Variants in ZHX3 observed in about 807,000 individuals in gnomAD.
ZHX3 encodes zinc fingers and homeoboxes 3.
Under a neutral mutation model 64.5 loss-of-function variants are expected in ZHX3, and 20 were observed. That is an observed-to-expected ratio of 0.31 (90% CI 0.22 to 0.45). The LOEUF is 0.45. Ranked by LOEUF, ZHX3 falls within the 20% of genes least tolerant of loss-of-function variation. ZHX3 has a pLI of 1.00. For synonymous variants in ZHX3, 423 were observed against 461.6 expected (o/e 0.92, Z 1.07); for missense variants, 1,041 against 1,195.8 (o/e 0.87, Z 1.91).
chr20:41,313,369 G>A (rs952917028), intron 1 of ZHX3, among the ~76,000 whole-genome samples: 1 of 152,062 alleles, frequency 6.6e-6, no homozygotes, highest in Non-Finnish European at 1.5e-5. Flanking sequence ...GCATCCAGGG[G>A]GTTCTAGGGT....
chr20:41,232,001 A>G lies in ZHX3; in HGVS notation c.-150-26935T>C, dbSNP rs1462798409. Among the ~76,000 whole-genome samples the G allele has an allele frequency of 6.6e-6, 1 of 152,220 alleles. No individual in the cohort carries two copies. Among genetic ancestry groups the G allele is most frequent in the African/African-American group, 2.4e-5 (1 of 41,452 alleles). Reference sequence around the variant, plus strand: ...TGGAAACTAGATGGTTAAAACAACCACATTCCGTACCATTAGACGCTGACA... The same window carrying G: ...TGGAAACTAGATGGTTAAAACAACCGCATTCCGTACCATTAGACGCTGACA... On this transcript the variant is annotated intron_variant, in intron 2 of 3. Transcript: ENST00000683867. This position sits in a 1 kb window ranked among gnomAD's most constrained non-coding sequence, Gnocchi z 5.0.
chr20:41,248,077 C>T (rs2041801784), intron 2 of ZHX3, among the ~76,000 whole-genome samples: 1 of 152,294 alleles, frequency 6.6e-6, no homozygotes, highest in African/African-American at 2.4e-5. Flanking sequence ...TACTTTACAC[C>T]CAAGCGTAAA....
intron 2 of ZHX3, among the ~76,000 whole-genome samples, chr20:41,233,791 G>T (rs540275372): frequency 6.6e-6 from 1 of 152,298 alleles, no homozygotes; most frequent in South Asian, 2.1e-4. Context: ...AAGTCTTAAA[G>T]GATGAAAAGA....
At chr20:41,260,380 G>A (rs1164801001) in intron 2 of ZHX3, among the ~76,000 whole-genome samples, 1 of 152,134 alleles carries the variant, frequency 6.6e-6, no homozygotes, top group Non-Finnish European at 1.5e-5. Context: ...TTGTAAGGTA[G>A]AAATAAAACT....
Position 41,204,651 on chromosome 20 carries a change from A to AT in ZHX3, c.265dup (p.Met89AsnfsTer16). ...GTTCATATGTCCCACAAATTGGGTC[A>AT]TGTCATGGGATCTGAAATCGCAGTA... On this transcript the variant is annotated frameshift_variant, in exon 3 of 4. Transcript: ENST00000683867. LOFTEE classifies it high-confidence loss of function. This position sits in a 1 kb window ranked among gnomAD's most constrained non-coding sequence, Gnocchi z 6.6. 1 of 1,614,264 alleles carries AT rather than the reference A, an allele frequency of 6.2e-7. No homozygotes were observed. The highest frequency in any genetic ancestry group is 2.2e-5 in the East Asian group (1 of 44,888).
chr20:41,212,021 C>T lies in ZHX3; in HGVS notation c.-150-6955G>A, dbSNP rs1052181801. On this transcript the variant is annotated intron_variant, in intron 2 of 3. Transcript: ENST00000683867. The surrounding 1 kb of genome is among the most constrained non-coding windows in gnomAD (Gnocchi z 4.3). ...CAAGTAGAATATCTGAAAGCACAAA[C>T]GACAAAAGAAAAAACAGATAAATTG... Among the ~76,000 whole-genome samples the T allele has an allele frequency of 1.3e-5, 2 of 151,860 alleles. No homozygotes were observed. The highest frequency in any genetic ancestry group is 4.8e-5 in the African/African-American group (2 of 41,336).
chr20:41,316,965 G>A (rs561878862), intron 1 of ZHX3: 3 of 152,522 alleles, frequency 2.0e-5, no homozygotes, highest in African/African-American at 7.2e-5. Context: ...CGAGTGGTTC[G>A]AGTCCTGGCT....
chr20:41,256,023 T>C (rs1166335848), intron 2 of ZHX3, among the ~76,000 whole-genome samples: 6 of 152,214 alleles, frequency 3.9e-5, no homozygotes, highest in Admixed American at 3.9e-4. Flanking sequence ...CAAAATTATG[T>C]AAATTAAATA....
intron 1 of ZHX3, among the ~76,000 whole-genome samples, chr20:41,312,728 AGAG>A (rs755191550): frequency 2.6e-4 from 39 of 152,318 alleles, no homozygotes; most frequent in Non-Finnish European, 4.3e-4. Context: ...CCTGTACAGA[AGAG>A]GAGAATACGG....
chr20:41,222,943 C>A (rs1215107410), intron 2 of ZHX3, among the ~76,000 whole-genome samples: 4 of 150,434 alleles, frequency 2.7e-5, no homozygotes, highest in Admixed American at 1.3e-4. Flanking sequence ...AAGAAAAATT[C>A]TCTCTGGCTG....
chr20:41,246,791 C>G (rs568218678), intron 2 of ZHX3, among the ~76,000 whole-genome samples: 1 of 151,506 alleles, frequency 6.6e-6, no homozygotes, highest in African/African-American at 2.4e-5. Flanking sequence ...GAGAATCACT[C>G]GAACCCAGGA....
intron 2 of ZHX3, among the ~76,000 whole-genome samples, chr20:41,210,224 T>C (rs1402355291): frequency 1.3e-5 from 2 of 152,122 alleles, no homozygotes; most frequent in African/African-American, 2.4e-5. Context: ...TGTGGAGAAA[T>C]AGGAACACTT....
chr20:41,282,702 G>T (rs1356057329), intron 1 of ZHX3, among the ~76,000 whole-genome samples: 2 of 152,086 alleles, frequency 1.3e-5, no homozygotes, highest in Middle Eastern at 3.2e-3. Context: ...ACCTTTAAAT[G>T]GTGGCCAAAT....
rs760447615 is a variant in ZHX3 at position 41,212,043 on chromosome 20, A to G, written c.-150-6977T>C. Among the ~76,000 whole-genome samples, 9 of 152,352 alleles carry G rather than the reference A, an allele frequency of 5.9e-5. No individual in the cohort carries two copies. Among genetic ancestry groups the G allele is most frequent in the Non-Finnish European group, 1.3e-4 (9 of 68,038 alleles). ...AAACGACAAAAGAAAAAACAGATAAATTGGATGTCATCAAAATTAAAAACT... is the reference window on the plus strand; with the variant it reads ...AAACGACAAAAGAAAAAACAGATAAGTTGGATGTCATCAAAATTAAAAACT... On this transcript the variant is annotated intron_variant, in intron 2 of 3. Coordinates refer to ENST00000683867, the MANE Select transcript of ZHX3 (RefSeq NM_001384317.1). The surrounding 1 kb of genome is among the most constrained non-coding windows in gnomAD (Gnocchi z 4.3).
chr20:41,204,749 G>A lies in ZHX3; in HGVS notation c.168C>T (p.Pro56=). Reference sequence around the variant, plus strand: ...CCAGTGTAGAGCCATCAGTACTGCTGGGGTTCTGTGCTGCCTCACTGCTGG... The same window carrying A: ...CCAGTGTAGAGCCATCAGTACTGCTAGGGTTCTGTGCTGCCTCACTGCTGG... ...SAASSEAAQN[P]SSTDGSTLAN... is the part of the protein sequence containing the mutation. Residue 56 remains proline (P), a synonymous_variant, in exon 3 of 4, where the codon CCC becomes CCT. Coordinates refer to ENST00000683867, the MANE Select transcript of ZHX3 (RefSeq NM_001384317.1). The surrounding 1 kb of genome is among the most constrained non-coding windows in gnomAD (Gnocchi z 6.6). 1.9e-6 allele frequency: 3 copies of A among 1,614,168 alleles called. No individual in the cohort carries two copies. Among genetic ancestry groups the A allele is most frequent in the Non-Finnish European group, 1.7e-6 (2 of 1,180,012 alleles).
intron 3 of ZHX3, among the ~76,000 whole-genome samples, chr20:41,193,921 C>G (rs560371530): frequency 6.6e-6 from 1 of 152,006 alleles, no homozygotes; most frequent in African/African-American, 2.4e-5. Context: ...AGGGTGGTCT[C>G]GATCTCTTGA....
At chr20:41,311,471 C>T (rs924150309) in intron 1 of ZHX3, among the ~76,000 whole-genome samples, 1 of 152,200 alleles carries the variant, frequency 6.6e-6, no homozygotes, top group African/African-American at 2.4e-5. Flanking sequence ...TGGTTATTAA[C>T]AGAAGCTTCC....
chr20:41,239,237 C>T (rs565832952), intron 2 of ZHX3, among the ~76,000 whole-genome samples: 176 of 151,772 alleles, frequency 1.2e-3, no homozygotes, highest in Non-Finnish European at 1.8e-3. Flanking sequence ...TCTCGGTCTC[C>T]TGACCTCGTG....
intron 1 of ZHX3, among the ~76,000 whole-genome samples, chr20:41,303,956 G>C (rs2044900189): frequency 6.6e-6 from 1 of 152,142 alleles, no homozygotes; most frequent in African/African-American, 2.4e-5. Context: ...GTGGTGGTGG[G>C]ATGCTGAAAC....
Sources: allele counts gnomAD v4.1 joint callset (sites outside exome capture counted in the v4.1 genomes callset), GRCh38; gene constraint gnomAD v4.1.1; non-coding constraint Gnocchi (gnomAD v3.1); transcripts MANE v1.5; gene names NCBI Gene and HGNC (gene_info 2026-07-23, HGNC 2026-07-21).